LCLAT1: variants seen among roughly 807,000 people sequenced by gnomAD.
LCLAT1 encodes the protein 1-AGP acyltransferase 8.
In LCLAT1, 11 loss-of-function variants were observed where a neutral mutation model predicts 30.7. The ratio of observed to expected loss-of-function variants is 0.36; its 90% CI spans 0.23 to 0.59. The LOEUF (loss-of-function observed/expected upper bound fraction) is 0.59. LCLAT1 is among the 20% of genes least tolerant of loss of function. LCLAT1 has a pLI of 0.77. For synonymous variants in LCLAT1, 155 were observed against 151.3 expected (o/e 1.02, Z -0.18); for missense variants, 402 against 458.6 (o/e 0.88, Z 1.13).
At chr2:30,627,608 T>TTTA (rs1668573643) in intron 5 of LCLAT1, among the ~76,000 whole-genome samples, 3 of 152,242 alleles carry the variant, frequency 2.0e-5, no homozygotes, top group Non-Finnish European at 4.4e-5. Context: ...CTAGTTTTTA[T>TTTA]CACTGGAGTT....
At chr2:30,610,537 A>G (rs1454268943) in intron 5 of LCLAT1, among the ~76,000 whole-genome samples, 1 of 152,184 alleles carries the variant, frequency 6.6e-6, no homozygotes, top group Non-Finnish European at 1.5e-5. Context: ...TCATCTTTAT[A>G]TTAACAGATC....
At chr2:30,475,261 A>C (rs1419716396) in intron 1 of LCLAT1, among the ~76,000 whole-genome samples, 1 of 152,050 alleles carries the variant, frequency 6.6e-6, no homozygotes, top group Non-Finnish European at 1.5e-5. Context: ...AGACTCCCAC[A>C]GTTCTGGGAT....
At chr2:30,506,081 C>CT (rs1422756160) in intron 1 of LCLAT1, among the ~76,000 whole-genome samples, 1 of 152,104 alleles carries the variant, frequency 6.6e-6, no homozygotes, top group Non-Finnish European at 1.5e-5. Context: ...CCATTCTGCT[C>CT]TTTAACTGTC....
At chr2:30,486,753 C>A (rs1288476823) in intron 1 of LCLAT1, among the ~76,000 whole-genome samples, 1 of 152,140 alleles carries the variant, frequency 6.6e-6, no homozygotes, top group African/African-American at 2.4e-5. Flanking sequence ...ACCTTTCTTG[C>A]TGGTTGGATG....
intron 5 of LCLAT1, among the ~76,000 whole-genome samples, chr2:30,580,757 G>C (rs1666178566): frequency 6.6e-6 from 1 of 152,162 alleles, no homozygotes. Context: ...CATTTTGTAA[G>C]GCAGGAGGCA....
In LCLAT1 at chr2:30,493,782, T is replaced by G. The variant is rs574530065; in HGVS notation, c.-4-31805T>G. Among the ~76,000 whole-genome samples, 261 of 152,288 alleles carry G rather than the reference T, an allele frequency of 1.7e-3. 2 individuals are homozygous for G. The highest frequency in any genetic ancestry group is 4.3e-3 in the Admixed American group (66 of 15,302). On this transcript the variant is annotated intron_variant, in intron 1 of 5. Coordinates refer to ENST00000379509, the MANE Select transcript of LCLAT1 (RefSeq NM_001002257.3). ...ATGAATATCTTAAATATGATACCAATATAAAGATAAAATATTGAAATATCA... is the reference window on the plus strand; with the variant it reads ...ATGAATATCTTAAATATGATACCAAGATAAAGATAAAATATTGAAATATCA...
At chr2:30,460,845 G>C (rs972502762) in intron 1 of LCLAT1, among the ~76,000 whole-genome samples, 12 of 152,132 alleles carry the variant, frequency 7.9e-5, no homozygotes, top group Non-Finnish European at 1.3e-4. Flanking sequence ...AATCACTGAT[G>C]CCTAGGTCAT....
In LCLAT1 at chr2:30,643,566, T is replaced by C. The variant is rs573900735; in HGVS notation, c.*2947T>C. On this transcript the variant is annotated 3_prime_UTR_variant, in exon 6 of 6. Coordinates refer to ENST00000379509, the MANE Select transcript of LCLAT1 (RefSeq NM_001002257.3). ...ACTTGAGTCACTTTGAAATAGTTAA[T>C]TCAACAGCACCATGTTAGAAATATA... The C allele has an allele frequency of 9.8e-5, 15 of 152,528 alleles. No individual in the cohort carries two copies. The highest frequency in any genetic ancestry group is 8.8e-5 in the Non-Finnish European group (6 of 68,026). The allele number at this position is 152,528 out of a possible 1,614,324, so 9.4% of individuals were successfully genotyped here. A position where few individuals can be genotyped will look rare whatever the true frequency, so the allele number is the denominator to read the frequency against.
intron 5 of LCLAT1, among the ~76,000 whole-genome samples, chr2:30,575,335 C>G (rs1256532993): frequency 6.6e-6 from 1 of 151,722 alleles, no homozygotes; most frequent in Admixed American, 6.6e-5. Context: ...GTTTTTATAT[C>G]TGAGGTCCTA....
chr2:30,592,984 A>G (rs773322743), intron 5 of LCLAT1, among the ~76,000 whole-genome samples: 3 of 152,200 alleles, frequency 2.0e-5, no homozygotes, highest in Non-Finnish European at 4.4e-5. Flanking sequence ...ATTATTAACT[A>G]TAATTTCTCT....
chr2:30,637,817 A>T (rs538980734), intron 5 of LCLAT1, among the ~76,000 whole-genome samples: 1 of 152,216 alleles, frequency 6.6e-6, no homozygotes, highest in South Asian at 2.1e-4. Flanking sequence ...ACCTCAGGTG[A>T]TCCACCCGCC....
At chr2:30,475,756 A>T (rs1683013883) in intron 1 of LCLAT1, among the ~76,000 whole-genome samples, 1 of 152,298 alleles carries the variant, frequency 6.6e-6, no homozygotes, top group South Asian at 2.1e-4. Context: ...CCTCTAGTGA[A>T]TTCAGCCTTT....
At chr2:30,552,444 T>C in intron 3 of LCLAT1, 1 of 407,416 alleles carries the variant, frequency 2.5e-6, no homozygotes, top group Non-Finnish European at 5.0e-6. Flanking sequence ...TATTATGTAA[T>C]TATTACTTGC....
intron 1 of LCLAT1, among the ~76,000 whole-genome samples, chr2:30,510,334 A>T (rs948934071): frequency 6.6e-6 from 1 of 152,124 alleles, no homozygotes; most frequent in Non-Finnish European, 1.5e-5. Flanking sequence ...TTTTCTACCA[A>T]CTACTCTAAC....
At chr2:30,566,622 T>C (rs981709476) in intron 4 of LCLAT1, among the ~76,000 whole-genome samples, 1 of 152,226 alleles carries the variant, frequency 6.6e-6, no homozygotes, top group African/African-American at 2.4e-5. Flanking sequence ...GTTGTGTCGA[T>C]ATAGATATTT....
intron 1 of LCLAT1, among the ~76,000 whole-genome samples, chr2:30,522,245 T>G (rs143984004): frequency 6.6e-6 from 1 of 152,238 alleles, no homozygotes; most frequent in Admixed American, 6.5e-5. Flanking sequence ...AGTGTATATT[T>G]AGGATTTTAA....
chr2:30,459,750 T>G, intron 1 of LCLAT1: 1 of 1,494,250 alleles, frequency 6.7e-7, no homozygotes, highest in Non-Finnish European at 9.3e-7. Flanking sequence ...TTTAGATGCT[T>G]GAGGTTTTTG....
chr2:30,485,037 A>T (rs774733785), intron 1 of LCLAT1, among the ~76,000 whole-genome samples: 8 of 152,290 alleles, frequency 5.3e-5, no homozygotes, highest in Non-Finnish European at 7.4e-5. Flanking sequence ...CCAAACATTA[A>T]CAGACTGCTA....
intron 3 of LCLAT1, among the ~76,000 whole-genome samples, chr2:30,552,258 A>C (rs1289365868): frequency 2.0e-5 from 3 of 152,182 alleles, no homozygotes; most frequent in African/African-American, 4.8e-5. Context: ...ATGAACCCCA[A>C]AATTGTAACA....
Sources: gnomAD v4.1 joint callset for allele counts (sites outside exome capture counted in the v4.1 genomes callset) on GRCh38, gnomAD v4.1.1 for gene constraint, MANE v1.5 for transcripts, NCBI Gene and HGNC (gene_info 2026-07-23, HGNC 2026-07-21) for gene names.